The following ELL2 variants were observed in gnomAD, a reference collection of about 807,000 sequenced individuals.
ELL2 encodes elongation factor for RNA polymerase II 2, also known as RNA polymerase II elongation factor ELL2.
A neutral mutation model predicts 72.8 loss-of-function variants in ELL2; 21 were observed. The observed-to-expected ratio is 0.29, with a 90% CI of 0.20 to 0.42. The LOEUF (loss-of-function observed/expected upper bound fraction) is 0.42. Among genes scored for constraint, ELL2 ranks in the 10% least tolerant of loss-of-function variants. ELL2 has a pLI of 1.00. For missense variants in ELL2, 568 were observed against 772.8 expected (o/e 0.73, Z 3.14); for synonymous variants, 266 against 283.2 (o/e 0.94, Z 0.61).
chr5:95,918,094 C>T (rs1218987449), intron 3 of ELL2, among the ~76,000 whole-genome samples: 1 of 152,196 alleles, frequency 6.6e-6, no homozygotes, highest in Non-Finnish European at 1.5e-5. Flanking sequence ...TTGACTCACA[C>T]AATCACTAAG....
intron 2 of ELL2, among the ~76,000 whole-genome samples, chr5:95,931,877 A>G (rs973595802): frequency 1.3e-5 from 2 of 150,860 alleles, no homozygotes; most frequent in Non-Finnish European, 3.0e-5. Flanking sequence ...ACAAAGAAAC[A>G]AAGAAAATAG....
chr5:95,929,325 C>T (rs1450185777), intron 2 of ELL2, among the ~76,000 whole-genome samples: 1 of 150,552 alleles, frequency 6.6e-6, no homozygotes, highest in Non-Finnish European at 1.5e-5. Flanking sequence ...GCGGCTCGAT[C>T]TTGGCTCACT....
At position 95,913,951 on chromosome 5, in the gene ELL2, T is replaced by A. The variant is rs1187458771; in HGVS notation, c.318-17A>T. ...GCTCCAGAGCTGTCAAGTAAGTCAGTGGCTTTGTTAGACATGACCTTCATT... is the reference window on the plus strand; with the variant it reads ...GCTCCAGAGCTGTCAAGTAAGTCAGAGGCTTTGTTAGACATGACCTTCATT... On this transcript the variant is annotated splice_polypyrimidine_tract_variant and intron_variant, in intron 3 of 11. Transcript: ENST00000237853. 6.4e-7 allele frequency: 1 copy of A among 1,571,662 alleles called. No individual in the cohort carries two copies. Among genetic ancestry groups the A allele is most frequent in the Admixed American group, 1.9e-5 (1 of 52,490 alleles).
chr5:95,941,422 T>C (rs1750964532), intron 2 of ELL2, among the ~76,000 whole-genome samples: 1 of 152,126 alleles, frequency 6.6e-6, no homozygotes, highest in Non-Finnish European at 1.5e-5. Flanking sequence ...TTTGCAATGC[T>C]GCTTGGGGCC....
At chr5:95,946,168 G>A (rs902936279) in intron 1 of ELL2, among the ~76,000 whole-genome samples, 3 of 152,152 alleles carry the variant, frequency 2.0e-5, no homozygotes, top group South Asian at 2.1e-4. Flanking sequence ...GGCAGGGCAG[G>A]GGTGGAGAAG....
rs1187881368 is a variant in ELL2 at position 95,948,429 on chromosome 5, C to CAAA, written c.148-5383_148-5381dup. On this transcript the variant is annotated intron_variant, in intron 1 of 11. Transcript: ENST00000237853. The stretch of plus-strand genomic sequence containing the variant: ...TGGGCAACAGAGCGAGACTCCGCCT[C>CAAA]AAAAAAAAAAAAAAAAAAAAAAAAG... 6.5e-3 allele frequency among the ~76,000 whole-genome samples: 226 copies of CAAA among 34,834 alleles called. 15 individuals carry two copies. Among genetic ancestry groups the CAAA allele is most frequent in the East Asian group, 0.041 (48 of 1,170 alleles). The allele number at this position is 34,834 out of a possible 152,430, so 22.9% of individuals were successfully genotyped here. A position where few individuals can be genotyped will look rare whatever the true frequency, so the allele number is the denominator to read the frequency against.
chr5:95,911,138 A>T (rs1749576754), intron 4 of ELL2, among the ~76,000 whole-genome samples: 1 of 152,216 alleles, frequency 6.6e-6, no homozygotes, highest in Non-Finnish European at 1.5e-5. Flanking sequence ...CAGTTTTGAG[A>T]CACCCAAAGA....
chr5:95,925,586 T>C lies in ELL2; in HGVS notation c.196-6041A>G, dbSNP rs78130469. On this transcript the variant is annotated intron_variant, in intron 2 of 11. Transcript: ENST00000237853. ...CACAAAGTAGTCACTCAATGCATATTTGTTAAATGAAAAGGTGGATTAATG... is the reference window on the plus strand; with the variant it reads ...CACAAAGTAGTCACTCAATGCATATCTGTTAAATGAAAAGGTGGATTAATG... Among the ~76,000 whole-genome samples, 278 of 152,358 alleles carry C rather than the reference T, an allele frequency of 1.8e-3. 1 individual carries two copies. The highest frequency in any genetic ancestry group is 6.4e-3 in the African/African-American group (267 of 41,588).
chr5:95,903,078 G>A (rs1284352298), intron 5 of ELL2, among the ~76,000 whole-genome samples: 4 of 151,816 alleles, frequency 2.6e-5, no homozygotes, highest in South Asian at 2.1e-4. Context: ...GAGCCACTAC[G>A]CCCCACTGGC....
intron 2 of ELL2, among the ~76,000 whole-genome samples, chr5:95,926,725 T>A (rs1750294894): frequency 1.3e-5 from 2 of 152,200 alleles, no homozygotes. Flanking sequence ...ACAGTCTTAT[T>A]AGAAAAATAA....
At chr5:95,960,060 G>A (rs916465852) in intron 1 of ELL2, among the ~76,000 whole-genome samples, 1 of 151,886 alleles carries the variant, frequency 6.6e-6, no homozygotes, top group Non-Finnish European at 1.5e-5. Flanking sequence ...CTCTGCCTTC[G>A]CTCTATGTAT....
At chr5:95,949,550 CTT>C (rs546214657) in intron 1 of ELL2, among the ~76,000 whole-genome samples, 94 of 152,138 alleles carry the variant, frequency 6.2e-4, no homozygotes, top group Admixed American at 4.4e-3. Context: ...CATCATGGAA[CTT>C]TGAGTTAACT....
At chr5:95,918,979 C>T (rs1316856349) in intron 3 of ELL2, among the ~76,000 whole-genome samples, 1 of 150,878 alleles carries the variant, frequency 6.6e-6, no homozygotes, top group African/African-American at 2.4e-5. Context: ...TAAAAATCTA[C>T]CTTCTACCTT....
Position 95,931,796 on chromosome 5 carries a change from T to TAAAAAAAA in ELL2, c.195+11198_195+11205dup, listed in dbSNP as rs368583353. 6.9e-3 allele frequency among the ~76,000 whole-genome samples: 497 copies of TAAAAAAAA among 72,504 alleles called. 63 individuals carry two copies. The highest frequency in any genetic ancestry group is 0.031 in the African/African-American group (469 of 15,244). 47.6% of individuals were successfully genotyped at this position (72,504 alleles called of 152,430 possible). A position where few individuals can be genotyped will look rare whatever the true frequency, so the allele number is the denominator to read the frequency against. On this transcript the variant is annotated intron_variant, in intron 2 of 11. Transcript: ENST00000237853. ...CACTGCTTCCCAAGTGCCCTATCCATAAAAAAAAAAAAAAAAAAAAAAAAA... is the reference window on the plus strand; with the variant it reads ...CACTGCTTCCCAAGTGCCCTATCCATAAAAAAAAAAAAAAAAAAAAAAAAAAAAAAAAA...
In ELL2 at chr5:95,886,573, C is replaced by A. The variant is rs11135441; in HGVS notation, c.*2298G>T. 1 of 151,074 alleles carries A rather than the reference C, an allele frequency of 6.6e-6. No homozygotes were observed. Among genetic ancestry groups the A allele is most frequent in the Non-Finnish European group, 1.5e-5 (1 of 67,762 alleles). The allele number at this position is 151,074 out of a possible 1,614,324, so 9.4% of individuals were successfully genotyped here. On this transcript the variant is annotated 3_prime_UTR_variant, in exon 12 of 12. Coordinates refer to ENST00000237853, the MANE Select transcript of ELL2 (RefSeq NM_012081.6). ...GCTTGTTTGTAAACAGGTTCTGAAA[C>A]AAGAGTTGGCAGTGAAACAACTGAG...
chr5:95,961,399 C>A (rs1233732368), intron 1 of ELL2, among the ~76,000 whole-genome samples, 176 bp downstream of exon 1: 1 of 151,750 alleles, frequency 6.6e-6, no homozygotes, highest in East Asian at 1.9e-4. Flanking sequence ...AACGCCCAGG[C>A]TAGCCCGGGA....
In ELL2 at chr5:95,919,456, G is replaced by T; in HGVS notation, c.285C>A (p.Gly95=). The T allele has an allele frequency of 1.3e-6, 2 of 1,595,414 alleles. No individual in the cohort carries two copies. Among genetic ancestry groups the T allele is most frequent in the Non-Finnish European group, 1.7e-6 (2 of 1,173,842 alleles). ...ATGTTTGCTGGATGCAGTCAAAGCT[G>T]CCCTGAGGGTTGTCTTTGCCCACAT... ...LSNVGKDNPQ[G]SFDCIQQTFS... Residue 95 remains glycine, a synonymous_variant, in exon 3 of 12, where the codon GGC becomes GGA. Transcript: ENST00000237853.
chr5:95,961,491 C>T (rs1751851337), intron 1 of ELL2, 84 bp downstream of exon 1: 1 of 1,351,392 alleles, frequency 7.4e-7, no homozygotes, highest in Non-Finnish European at 9.5e-7. Context: ...GCCACGGCTC[C>T]GCCGGCCCCG....
At chr5:95,931,102 A>T (rs922268586) in intron 2 of ELL2, among the ~76,000 whole-genome samples, 2 of 151,744 alleles carry the variant, frequency 1.3e-5, no homozygotes, top group African/African-American at 2.4e-5. Context: ...GGATGAAAAG[A>T]GAGAGCCCTA....
Sources: allele counts gnomAD v4.1 joint callset (sites outside exome capture counted in the v4.1 genomes callset), GRCh38; gene constraint gnomAD v4.1.1; transcripts MANE v1.5; gene names NCBI Gene and HGNC (gene_info 2026-07-23, HGNC 2026-07-21).